The following SLC25A21 variants were observed in gnomAD, a reference collection of about 807,000 sequenced individuals.
SLC25A21 encodes the protein solute carrier family 25 member 21.
In SLC25A21, 47 loss-of-function variants were observed where a neutral mutation model predicts 43.8. The ratio of observed to expected loss-of-function variants is 1.07; its 90% confidence interval spans 0.85 to 1.37. The LOEUF (loss-of-function observed/expected upper bound fraction) is 1.37, where lower values mean the gene tolerates loss of function less well. Among genes scored for constraint, SLC25A21 ranks in the 40% most tolerant of loss-of-function variants. The pLI is 0.00. For missense variants in SLC25A21, 352 were observed against 350.2 expected (o/e 1.00, Z -0.04); for synonymous variants, 131 against 121.3 (o/e 1.08, Z -0.52).
intron 1 of SLC25A21, among the ~76,000 whole-genome samples, chr14:37,005,779 A>C (rs1235467239): frequency 6.6e-6 from 1 of 152,230 alleles, no homozygotes; most frequent in Non-Finnish European, 1.5e-5. Flanking sequence ...CACCACACAC[A>C]AAATGGAAAG....
intron 2 of SLC25A21, among the ~76,000 whole-genome samples, chr14:36,820,569 G>A (rs764237639): frequency 6.6e-6 from 1 of 152,190 alleles, no homozygotes; most frequent in Non-Finnish European, 1.5e-5. Context: ...GACTCACAGT[G>A]TAAACTGGTG....
chr14:36,970,628 G>C (rs12878874), intron 1 of SLC25A21, among the ~76,000 whole-genome samples: 36,653 of 152,106 alleles, frequency 0.24, 5,610 homozygotes, highest in Non-Finnish European at 0.34. Context: ...TAACAAGCCA[G>C]GTTAGGGTGA....
intron 1 of SLC25A21, among the ~76,000 whole-genome samples, chr14:37,086,104 C>CA (rs913421342): frequency 2.2e-3 from 317 of 146,958 alleles, no homozygotes; most frequent in African/African-American, 7.2e-3. Context: ...GGCTCCGTCT[C>CA]AAAAAAAAAA....
chr14:36,812,380 A>ATGCATATCAT (rs1834959579), intron 3 of SLC25A21, among the ~76,000 whole-genome samples: 2 of 151,814 alleles, frequency 1.3e-5, no homozygotes, highest in Non-Finnish European at 2.9e-5. Flanking sequence ...TATAGAAAAC[A>ATGCATATCAT]TGCATATCAT....
intron 1 of SLC25A21, among the ~76,000 whole-genome samples, chr14:37,045,063 A>C (rs377464318): frequency 1.2e-4 from 18 of 152,338 alleles, no homozygotes; most frequent in African/African-American, 4.1e-4. Context: ...TGCTCCTTCT[A>C]AAGTGCCAAG....
chr14:37,017,160 G>A (rs1960875453), intron 1 of SLC25A21, among the ~76,000 whole-genome samples: 1 of 151,920 alleles, frequency 6.6e-6, no homozygotes, highest in Non-Finnish European at 1.5e-5. Context: ...CTAGCTTTTG[G>A]CCTATCTTAG....
chr14:36,846,381 T>C (rs1278539896), intron 2 of SLC25A21, among the ~76,000 whole-genome samples: 2 of 152,166 alleles, frequency 1.3e-5, no homozygotes, highest in Non-Finnish European at 2.9e-5. Context: ...AGATTATTTC[T>C]ATAGCAAGCC....
At chr14:36,908,070 A>C (rs1278544241) in intron 1 of SLC25A21, among the ~76,000 whole-genome samples, 1 of 152,158 alleles carries the variant, frequency 6.6e-6, no homozygotes, top group Non-Finnish European at 1.5e-5. Context: ...AGGGAGGTGG[A>C]ATGATATGTA....
intron 1 of SLC25A21, among the ~76,000 whole-genome samples, chr14:37,119,570 GA>G (rs1477094915): frequency 9.6e-5 from 5 of 52,258 alleles, no homozygotes; most frequent in Admixed American, 9.0e-4. Flanking sequence ...AAAGAAAAAA[GA>G]AAAAAGAAAA....
At chr14:37,033,316 T>C (rs1423362901) in intron 1 of SLC25A21, among the ~76,000 whole-genome samples, 1 of 152,254 alleles carries the variant, frequency 6.6e-6, no homozygotes. Flanking sequence ...AAAGGCTGAA[T>C]CACATTCCAT....
intron 1 of SLC25A21, among the ~76,000 whole-genome samples, chr14:36,876,259 C>G (rs116615753): frequency 0.01 from 1,593 of 152,264 alleles, 34 homozygotes; most frequent in African/African-American, 0.036. Context: ...GCTCAAAGGG[C>G]CTGTACCTAC....
intron 1 of SLC25A21, among the ~76,000 whole-genome samples, chr14:36,938,643 A>G (rs759169020): frequency 4.6e-5 from 7 of 152,064 alleles, no homozygotes; most frequent in Admixed American, 2.6e-4. Context: ...AGAAAATCCA[A>G]TCTGATCATC....
intron 1 of SLC25A21, among the ~76,000 whole-genome samples, chr14:36,931,202 T>G (rs1388664821): frequency 6.6e-6 from 1 of 152,164 alleles, no homozygotes; most frequent in African/African-American, 2.4e-5. Context: ...GCTGTAATAT[T>G]TGCATTGATG....
intron 1 of SLC25A21, among the ~76,000 whole-genome samples, chr14:36,920,220 AC>A (rs1432343069): frequency 6.6e-6 from 1 of 152,066 alleles, no homozygotes; most frequent in African/African-American, 2.4e-5. Context: ...ATATGGAAAA[AC>A]TAAGGATTCA....
At chr14:36,979,323 G>GTTTTT (rs145296225) in intron 1 of SLC25A21, among the ~76,000 whole-genome samples, 7 of 123,754 alleles carry the variant, frequency 5.7e-5, no homozygotes, top group African/African-American at 4.3e-4. Flanking sequence ...TTAAGGTAGT[G>GTTTTT]TTTTTTTGGT....
At chr14:36,761,334 C>T (rs1886149003) in intron 3 of SLC25A21, among the ~76,000 whole-genome samples, 1 of 152,214 alleles carries the variant, frequency 6.6e-6, no homozygotes, top group Non-Finnish European at 1.5e-5. Flanking sequence ...TTCACGAGAG[C>T]ATTCACTTCA....
intron 1 of SLC25A21, among the ~76,000 whole-genome samples, chr14:36,909,038 C>A (rs1332550135): frequency 6.6e-6 from 1 of 151,706 alleles, no homozygotes; most frequent in Non-Finnish European, 1.5e-5. Flanking sequence ...TAGGAGGTGG[C>A]AGGGAAAATA....
At chr14:36,939,425 T>C (rs1478406249) in intron 1 of SLC25A21, among the ~76,000 whole-genome samples, 1 of 152,092 alleles carries the variant, frequency 6.6e-6, no homozygotes, top group Non-Finnish European at 1.5e-5. Flanking sequence ...GACAGCATTT[T>C]TTTTGTTAAA....
intron 1 of SLC25A21, among the ~76,000 whole-genome samples, chr14:36,890,385 G>A (rs1338697349): frequency 1.3e-5 from 2 of 152,142 alleles, no homozygotes; most frequent in African/African-American, 4.8e-5. Context: ...ATGGCAGCGA[G>A]TAATTATAAT....
Sources: allele counts gnomAD v4.1 joint callset (sites outside exome capture counted in the v4.1 genomes callset), GRCh38; gene constraint gnomAD v4.1.1; transcripts MANE v1.5; gene names NCBI Gene and HGNC (gene_info 2026-07-23, HGNC 2026-07-21).